The following CDH12 variants were observed in gnomAD, a reference collection of about 807,000 sequenced individuals.
CDH12 encodes the protein cadherin-12.
CDH12 carries 41 observed loss-of-function variants against 74.1 expected under a neutral mutation model. The observed-to-expected ratio is 0.55, with a 90% CI of 0.43 to 0.72. CDH12 has a LOEUF of 0.72. CDH12 is among the 30% of genes least tolerant of loss of function. The pLI, the probability that CDH12 is intolerant of heterozygous loss-of-function variation, is 0.00. For synonymous variants in CDH12, 399 were observed against 355.0 expected (o/e 1.12, Z -1.39); for missense variants, 945 against 977.2 (o/e 0.97, Z 0.44).
At chr5:21,942,016 A>C (rs1408774990) in intron 6 of CDH12, among the ~76,000 whole-genome samples, 1 of 152,174 alleles carries the variant, frequency 6.6e-6, no homozygotes, top group Non-Finnish European at 1.5e-5. Flanking sequence ...TCTAGAGATG[A>C]GAATATTAAG....
chr5:22,409,051 A>G (rs1176225152), intron 2 of CDH12, among the ~76,000 whole-genome samples: 2 of 152,078 alleles, frequency 1.3e-5, no homozygotes, highest in Non-Finnish European at 2.9e-5. Context: ...TTATCTACAT[A>G]TACAGCAAAA....
intron 2 of CDH12, among the ~76,000 whole-genome samples, chr5:22,421,385 T>C (rs1743645618): frequency 6.6e-6 from 1 of 152,120 alleles, no homozygotes; most frequent in Non-Finnish European, 1.5e-5. Flanking sequence ...CCCTTCCCTG[T>C]GTCCATGTGT....
At chr5:22,492,097 CA>C (rs1475437883) in intron 2 of CDH12, among the ~76,000 whole-genome samples, 5 of 152,074 alleles carry the variant, frequency 3.3e-5, no homozygotes, top group African/African-American at 1.2e-4. Flanking sequence ...AAGCCCATAA[CA>C]GTTGACATTC....
intron 4 of CDH12, among the ~76,000 whole-genome samples, chr5:22,188,539 C>T (rs1750095746): frequency 6.6e-6 from 1 of 152,138 alleles, no homozygotes; most frequent in East Asian, 1.9e-4. Context: ...TTCACATTGG[C>T]ATCACAAATA....
intron 3 of CDH12, among the ~76,000 whole-genome samples, chr5:22,267,209 A>G (rs886374135): frequency 6.6e-6 from 1 of 152,224 alleles, no homozygotes; most frequent in Admixed American, 6.5e-5. Context: ...TGGATAAGCA[A>G]TAGAAGGGAA....
intron 5 of CDH12, among the ~76,000 whole-genome samples, chr5:22,067,309 G>A (rs1741631273): frequency 1.3e-5 from 2 of 152,150 alleles, no homozygotes; most frequent in African/African-American, 4.8e-5. Flanking sequence ...ATTTGTGGGA[G>A]CCTAGTACTA....
At chr5:22,580,042 T>C (rs1740002631) in intron 1 of CDH12, among the ~76,000 whole-genome samples, 1 of 152,132 alleles carries the variant, frequency 6.6e-6, no homozygotes. Context: ...TTTAATGATA[T>C]CACCTTTTTA....
chr5:21,864,154 T>C (rs904983799), intron 6 of CDH12, among the ~76,000 whole-genome samples: 4 of 151,246 alleles, frequency 2.6e-5, no homozygotes, highest in Admixed American at 2.0e-4. Context: ...TGTGTGTGCA[T>C]GTAAGATGCT....
intron 3 of CDH12, among the ~76,000 whole-genome samples, chr5:22,348,149 C>G (rs922523352): frequency 6.6e-6 from 1 of 152,224 alleles, no homozygotes; most frequent in Admixed American, 6.5e-5. Flanking sequence ...GCGACCACCA[C>G]AGCCCTGATA....
At chr5:21,950,799 A>ATTATTT (rs1755825371) in intron 6 of CDH12, among the ~76,000 whole-genome samples, 1 of 140,666 alleles carries the variant, frequency 7.1e-6, no homozygotes, top group Non-Finnish European at 1.5e-5. Flanking sequence ...TATTATTATT[A>ATTATTT]TTTTGAGACA....
intron 4 of CDH12, among the ~76,000 whole-genome samples, chr5:22,188,860 G>A (rs4544794): frequency 0.98 from 148,848 of 152,272 alleles, 72,869 homozygotes; most frequent in East Asian, 1. Context: ...AGGCGATGCT[G>A]GTTTGGAATA....
intron 4 of CDH12, among the ~76,000 whole-genome samples, chr5:22,100,300 G>A (rs1371340904): frequency 4.6e-5 from 7 of 152,082 alleles, no homozygotes. Context: ...TTTATTGGAG[G>A]GATAGTGAGA....
intron 9 of CDH12, among the ~76,000 whole-genome samples, chr5:21,805,485 T>A (rs75971236): frequency 0.011 from 1,706 of 152,194 alleles, 38 homozygotes; most frequent in African/African-American, 0.039. Context: ...TACATACAGA[T>A]TTTTTGCAAC....
At chr5:22,675,647 G>A (rs1254855341) in intron 1 of CDH12, among the ~76,000 whole-genome samples, 1 of 151,758 alleles carries the variant, frequency 6.6e-6, no homozygotes, top group Non-Finnish European at 1.5e-5. Context: ...GGCCAGGGGA[G>A]TTTCCCTGCA....
At chr5:22,167,014 T>A (rs1748721108) in intron 4 of CDH12, among the ~76,000 whole-genome samples, 1 of 152,168 alleles carries the variant, frequency 6.6e-6, no homozygotes, top group Non-Finnish European at 1.5e-5. Context: ...GAAAATATTT[T>A]GAAAAGAAAA....
intron 3 of CDH12, among the ~76,000 whole-genome samples, chr5:22,375,735 A>G (rs775504104): frequency 2.6e-5 from 4 of 152,164 alleles, no homozygotes; most frequent in African/African-American, 7.2e-5. Flanking sequence ...ACTCAAAACC[A>G]AAATGATGTA....
intron 4 of CDH12, among the ~76,000 whole-genome samples, chr5:22,154,232 T>G (rs1305044788): frequency 6.6e-6 from 1 of 151,366 alleles, no homozygotes; most frequent in Non-Finnish European, 1.5e-5. Flanking sequence ...ATTATCTTTT[T>G]GTGTAGTGAG....
chr5:22,277,866 C>T (rs558597446), intron 3 of CDH12: 109 of 158,384 alleles, frequency 6.9e-4, no homozygotes, highest in African/African-American at 2.2e-3. Flanking sequence ...AACAAACAAA[C>T]GAAACAATCA....
rs562097009 is a variant in CDH12, at chr5:22,107,133, C to CT, written c.-186-28272dup. Among the ~76,000 whole-genome samples the CT allele has an allele frequency of 8.4e-3, 1,166 of 138,892 alleles. 12 individuals are homozygous for CT. Among genetic ancestry groups the CT allele is most frequent in the African/African-American group, 0.021 (819 of 38,126 alleles). The allele number at this position is 138,892 out of a possible 152,430, so 91.1% of individuals were successfully genotyped here. A position where few individuals can be genotyped will look rare whatever the true frequency, so the allele number is the denominator to read the frequency against. On this transcript the variant is annotated intron_variant, in intron 4 of 14. Transcript: ENST00000382254. ...ACAATGCCACAATGCCACATTTCTA[C>CT]TTTTTTTTTTTTTTTTAAGATGGAT...
Sources: allele counts gnomAD v4.1 joint callset (sites outside exome capture counted in the v4.1 genomes callset), GRCh38; gene constraint gnomAD v4.1.1; transcripts MANE v1.5; gene names NCBI Gene and HGNC (gene_info 2026-07-23, HGNC 2026-07-21).